Variants in LRRC7 observed in about 807,000 individuals in gnomAD.
LRRC7 encodes leucine rich repeat containing 7, also known as leucine-rich repeat-containing protein 7.
A neutral mutation model predicts 175.7 loss-of-function variants in LRRC7; 23 were observed. The observed-to-expected ratio is 0.13, with a 90% CI of 0.09 to 0.19. The LOEUF (loss-of-function observed/expected upper bound fraction) is 0.19, where lower values mean the gene tolerates loss of function less well. Ranked by LOEUF, LRRC7 falls within the 10% of genes least tolerant of loss-of-function variation. LRRC7 has a pLI of 1.00. For synonymous variants in LRRC7, 685 were observed against 680.9 expected (o/e 1.01, Z -0.09); for missense variants, 1,354 against 1,904.7 (o/e 0.71, Z 5.38).
chr1:69,571,156 A>G (rs928951123), intron 1 of LRRC7, among the ~76,000 whole-genome samples: 1 of 152,216 alleles, frequency 6.6e-6, no homozygotes, highest in Non-Finnish European at 1.5e-5. Flanking sequence ...AAAACTGACT[A>G]TCCAAGAAAA....
rs911709431 is a variant in LRRC7, at chr1:70,137,286, A to G, written c.*15399A>G. Among the ~76,000 whole-genome samples the G allele has an allele frequency of 1.3e-5, 2 of 152,178 alleles. No individual in the cohort carries two copies. Among genetic ancestry groups the G allele is most frequent in the African/African-American group, 4.8e-5 (2 of 41,450 alleles). On this transcript the variant is annotated 3_prime_UTR_variant, in exon 27 of 27. Transcript: ENST00000651989. The stretch of plus-strand genomic sequence containing the variant: ...GTCAAAGTCAGAGGGGGCTTGCTGG[A>G]ATCAAGGGCAGCTCCTCCTTTCTGG...
At chr1:70,041,864 G>C (rs1482678170) in intron 21 of LRRC7, among the ~76,000 whole-genome samples, 1 of 152,186 alleles carries the variant, frequency 6.6e-6, no homozygotes, top group Non-Finnish European at 1.5e-5. Context: ...TTTTAAGCAG[G>C]AATATAGGGT....
rs1044453627 is a variant in LRRC7, at chr1:70,133,199, G to A, written c.*11312G>A. 6.6e-6 allele frequency among the ~76,000 whole-genome samples: 1 copy of A among 151,902 alleles called. No homozygotes were observed. Among genetic ancestry groups the A allele is most frequent in the African/African-American group, 2.4e-5 (1 of 41,324 alleles). On this transcript the variant is annotated 3_prime_UTR_variant, in exon 27 of 27. Coordinates refer to ENST00000651989, the MANE Select transcript of LRRC7 (RefSeq NM_001370785.2). ...TCTCTGGCTTGGGGGAGCACAGTCCGATTTTTGTTGTTGTCGTGGGTGTTT... is the reference window on the plus strand; with the variant it reads ...TCTCTGGCTTGGGGGAGCACAGTCCAATTTTTGTTGTTGTCGTGGGTGTTT...
rs931353830 is a variant in LRRC7, at chr1:70,125,809, A to C, written c.*3922A>C. The stretch of plus-strand genomic sequence containing the variant: ...TCCGTCTCAAAAAAAAAAAAAAAAA[A>C]AAAGAGAAGATTCAGAGGGGAGAAA... On this transcript the variant is annotated 3_prime_UTR_variant, in exon 27 of 27. Transcript: ENST00000651989. Among the ~76,000 whole-genome samples the C allele has an allele frequency of 6.6e-6, 1 of 150,480 alleles. No individual in the cohort carries two copies. The highest frequency in any genetic ancestry group is 1.5e-5 in the Non-Finnish European group (1 of 67,740).
At chr1:70,055,299 G>A (rs192977110) in intron 23 of LRRC7, among the ~76,000 whole-genome samples, 79 of 152,258 alleles carry the variant, frequency 5.2e-4, no homozygotes, top group Non-Finnish European at 8.1e-4. Flanking sequence ...TGTGGGAAAT[G>A]AGAAGGGGAA....
intron 1 of LRRC7, among the ~76,000 whole-genome samples, chr1:69,576,709 A>T (rs1018230896): frequency 6.6e-6 from 1 of 152,216 alleles, no homozygotes; most frequent in Admixed American, 6.5e-5. Context: ...CACATTAGCT[A>T]TGCTTTTCAT....
At chr1:69,959,711 C>A (rs543296427) in intron 8 of LRRC7, among the ~76,000 whole-genome samples, 1 of 152,066 alleles carries the variant, frequency 6.6e-6, no homozygotes, top group East Asian at 1.9e-4. Context: ...TATATATATG[C>A]AAAGTGCTAC....
intron 23 of LRRC7, among the ~76,000 whole-genome samples, chr1:70,055,813 G>A (rs761696963): frequency 3.3e-5 from 5 of 152,144 alleles, no homozygotes; most frequent in Non-Finnish European, 2.9e-5. Context: ...AACACTTGGG[G>A]ATTACAATTC....
rs559388353 is a variant in LRRC7 at position 69,865,872 on chromosome 1, A to C, written c.647+27589A>C. Among the ~76,000 whole-genome samples the C allele has an allele frequency of 3.3e-5, 5 of 152,280 alleles. No homozygotes were observed. In the East Asian group the frequency reaches 9.7e-4, roughly 29 times the overall value. On this transcript the variant is annotated intron_variant, in intron 7 of 26. Coordinates refer to ENST00000651989, the MANE Select transcript of LRRC7 (RefSeq NM_001370785.2). ...AGTGACCTGGCCAGGATAACCTCAG[A>C]TTCACCAGCAGTAATGAGTGAAAAC...
chr1:69,969,024 T>G (rs548127864), intron 8 of LRRC7, among the ~76,000 whole-genome samples: 1 of 152,040 alleles, frequency 6.6e-6, no homozygotes, highest in African/African-American at 2.4e-5. Flanking sequence ...TTCACCGTGT[T>G]AGCCAGGATG....
chr1:70,077,730 A>G (rs1361329539), intron 24 of LRRC7, among the ~76,000 whole-genome samples: 1 of 152,242 alleles, frequency 6.6e-6, no homozygotes, highest in Non-Finnish European at 1.5e-5. Context: ...TGTAAATTAT[A>G]TAAAGTTTGG....
At chr1:69,573,120 T>G (rs1041067625) in intron 1 of LRRC7, among the ~76,000 whole-genome samples, 3 of 152,150 alleles carry the variant, frequency 2.0e-5, no homozygotes, top group Non-Finnish European at 4.4e-5. Flanking sequence ...TGTGCTTTAC[T>G]TCAAAATAAT....
chr1:69,933,666 T>A (rs985407868), intron 8 of LRRC7, among the ~76,000 whole-genome samples: 5 of 152,182 alleles, frequency 3.3e-5, no homozygotes. Context: ...GTATGTTAAA[T>A]GAATTTCAAT....
At chr1:69,686,667 G>GA (rs200526832) in intron 2 of LRRC7, among the ~76,000 whole-genome samples, 90 of 151,916 alleles carry the variant, frequency 5.9e-4, no homozygotes, top group African/African-American at 2.1e-3. Context: ...GGATGTGAAG[G>GA]AAAAAGAAAC....
chr1:69,858,478 A>T (rs1272134141), intron 7 of LRRC7, among the ~76,000 whole-genome samples: 1 of 152,034 alleles, frequency 6.6e-6, no homozygotes. Flanking sequence ...ATCCACAAAG[A>T]CAAGGGCCAT....
At chr1:69,899,893 T>C (rs1646086529) in intron 7 of LRRC7, among the ~76,000 whole-genome samples, 1 of 152,130 alleles carries the variant, frequency 6.6e-6, no homozygotes, top group African/African-American at 2.4e-5. Context: ...GACTTCCCAA[T>C]CTCCAGAACT....
intron 26 of LRRC7, among the ~76,000 whole-genome samples, chr1:70,117,930 T>C (rs1665964495): frequency 1.3e-5 from 2 of 152,186 alleles, no homozygotes; most frequent in Non-Finnish European, 2.9e-5. Context: ...TTGCATAGTA[T>C]GCATGTATTT....
In LRRC7 at chr1:70,038,529, C is replaced by G. The variant is rs1176308156; in HGVS notation, c.2705C>G (p.Thr902Arg). Residue 902 changes from threonine to arginine, a missense_variant, in exon 21 of 27, where the codon ACA becomes AGA. Thr to Arg is a moderately conservative substitution (Grantham distance 71, BLOSUM62 -1). This residue lies in a region of LRRC7 where 1,032 missense variants were observed against 1,227.2 expected (regional missense o/e 0.84). Coordinates refer to ENST00000651989, the MANE Select transcript of LRRC7 (RefSeq NM_001370785.2). ...ACCGCTTTTCCTTCCAAATTAGAGA[C>G]AACCCCCACTACCAGCCCATTGCCT... ...DRTAFPSKLE[T>R]TPTTSPLPER... 9 of 1,613,952 alleles carry G rather than the reference C, an allele frequency of 5.6e-6. No individual in the cohort carries two copies. The highest frequency in any genetic ancestry group is 7.6e-6 in the Non-Finnish European group (9 of 1,179,990).
At chr1:70,002,510 T>G (rs908056214) in intron 11 of LRRC7, among the ~76,000 whole-genome samples, 4 of 152,212 alleles carry the variant, frequency 2.6e-5, no homozygotes, top group African/African-American at 9.6e-5. Context: ...TTGTTGCTTA[T>G]TTTGCCATGT....
Sources: allele counts gnomAD v4.1 joint callset (sites outside exome capture counted in the v4.1 genomes callset), GRCh38; gene constraint gnomAD v4.1.1; regional missense constraint gnomAD v4.1.1; transcripts MANE v1.5; gene names NCBI Gene and HGNC (gene_info 2026-07-23, HGNC 2026-07-21).